Variants in HELZ observed in about 807,000 individuals in gnomAD.
HELZ encodes helicase with zinc finger, also known as ATP-dependent RNA helicase with zinc finger domain.
In HELZ, 23 loss-of-function variants were observed where a neutral mutation model predicts 218.2. That is an observed-to-expected ratio of 0.11 (90% CI 0.08 to 0.15). The LOEUF (loss-of-function observed/expected upper bound fraction) is 0.15. Ranked by LOEUF, HELZ falls within the 10% of genes least tolerant of loss-of-function variation. The pLI is 1.00. For synonymous variants in HELZ, 814 were observed against 829.4 expected, an observed-to-expected ratio of 0.98 and a Z score of 0.32; for missense variants, 1,813 against 2,353.7, an observed-to-expected ratio of 0.77 and a Z score of 4.75.
intron 17 of HELZ, among the ~76,000 whole-genome samples, chr17:67,158,289 G>A (rs2038900685): frequency 6.6e-6 from 1 of 152,124 alleles, no homozygotes; most frequent in Non-Finnish European, 1.5e-5. Flanking sequence ...CAGACACTTA[G>A]TGCCCTCTTG....
upstream of HELZ, chr17:67,245,234 C>G (rs554129851): frequency 9.2e-6 from 9 of 979,678 alleles, no homozygotes; most frequent in East Asian, 4.6e-4. Flanking sequence ...TAAAGTGACT[C>G]CCCCCGGCCC....
chr17:67,084,588 G>A (rs1019833219), intron 32 of HELZ, among the ~76,000 whole-genome samples: 2 of 151,314 alleles, frequency 1.3e-5, no homozygotes, highest in South Asian at 2.1e-4. Context: ...ACGTGAACCC[G>A]GGAGGCGGAG....
intron 23 of HELZ, among the ~76,000 whole-genome samples, chr17:67,132,367 T>C (rs1397645477): frequency 6.6e-6 from 1 of 152,152 alleles, no homozygotes; most frequent in African/African-American, 2.4e-5. Flanking sequence ...ACGCCTTGGT[T>C]TGAAAAAAGG....
At chr17:67,080,064 G>GATAA (rs11472039) in intron 32 of HELZ, among the ~76,000 whole-genome samples, 97,947 of 151,666 alleles carry the variant, frequency 0.65, 32,433 homozygotes, top group East Asian at 0.88. Flanking sequence ...TGCGAAGTCA[G>GATAA]ATATTTACAT....
chr17:67,123,815 C>CAGTGTG, intron 25 of HELZ, 148 bp downstream of exon 25: 1 of 534,092 alleles, frequency 1.9e-6, no homozygotes, highest in South Asian at 2.6e-5. Flanking sequence ...TCCAAAGTGA[C>CAGTGTG]TGTGTGTGTG....
chr17:67,158,481 A>G (rs2038905547), intron 17 of HELZ, among the ~76,000 whole-genome samples: 1 of 152,240 alleles, frequency 6.6e-6, no homozygotes, highest in Admixed American at 6.5e-5. Flanking sequence ...ATGCATGAAT[A>G]TTCTTAAGAA....
chr17:67,244,719 G>T (rs1021450106), intron 1 of HELZ: 8 of 984,926 alleles, frequency 8.1e-6, no homozygotes, highest in East Asian at 1.1e-4. Flanking sequence ...AGGCCTGAGG[G>T]GGGGCATCGA....
At chr17:67,225,155 A>G in intron 3 of HELZ, 1 of 382,908 alleles carries the variant, frequency 2.6e-6, no homozygotes, top group South Asian at 2.7e-5. Context: ...CTTCAGTAAT[A>G]ACAAGAAGCT....
chr17:67,130,788 A>T, intron 23 of HELZ, among the ~76,000 whole-genome samples: 1 of 152,268 alleles, frequency 6.6e-6, no homozygotes, highest in East Asian at 1.9e-4. Flanking sequence ...TTGATAAAGT[A>T]TCAGTTTCAC....
chr17:67,106,183 C>A (rs1358238673), intron 31 of HELZ, among the ~76,000 whole-genome samples: 1 of 151,950 alleles, frequency 6.6e-6, no homozygotes, highest in East Asian at 1.9e-4. Context: ...ATCAGCTAGA[C>A]ATTTTTGTAG....
chr17:67,215,353 T>C (rs937990402), intron 5 of HELZ, among the ~76,000 whole-genome samples: 7 of 150,860 alleles, frequency 4.6e-5, no homozygotes, highest in African/African-American at 1.7e-4. Flanking sequence ...TTCAAACTTT[T>C]TTTTTTTTTT....
intron 5 of HELZ, among the ~76,000 whole-genome samples, chr17:67,214,937 G>A (rs1015966557): frequency 6.6e-5 from 10 of 152,086 alleles, no homozygotes; most frequent in African/African-American, 2.4e-4. Flanking sequence ...CTTGAGCCCA[G>A]GAGTAAGAGA....
intron 31 of HELZ, among the ~76,000 whole-genome samples, chr17:67,094,363 T>C (rs1229532055): frequency 7.5e-6 from 1 of 133,784 alleles, no homozygotes; most frequent in South Asian, 2.6e-4. Context: ...GATACAGGCA[T>C]ACCTTGGAGA....
At chr17:67,122,044 G>C in intron 26 of HELZ, among the ~76,000 whole-genome samples, 1 of 152,222 alleles carries the variant, frequency 6.6e-6, no homozygotes, top group Middle Eastern at 3.4e-3. Flanking sequence ...TAAATATTTA[G>C]ATTTACAAAT....
At chr17:67,086,721 T>C (rs374086717) in intron 32 of HELZ, 108 bp downstream of exon 32, 12 of 1,117,646 alleles carry the variant, frequency 1.1e-5, no homozygotes, top group East Asian at 9.7e-5. Flanking sequence ...TTAAATATTG[T>C]TCAAAGATGA....
At chr17:67,161,446 TATTA>T (rs1388962204) in intron 15 of HELZ, among the ~76,000 whole-genome samples, 2 of 152,200 alleles carry the variant, frequency 1.3e-5, no homozygotes, top group African/African-American at 4.8e-5. Flanking sequence ...TTTTTACTGA[TATTA>T]ATTAAGTAGT....
intron 27 of HELZ, among the ~76,000 whole-genome samples, chr17:67,116,339 T>G (rs969090728): frequency 1.3e-5 from 2 of 152,054 alleles, no homozygotes; most frequent in African/African-American, 2.4e-5. Flanking sequence ...ACAATCACAT[T>G]AAATGCAAAT....
chr17:67,235,829 C>G (rs539357616), intron 3 of HELZ, among the ~76,000 whole-genome samples: 1 of 139,910 alleles, frequency 7.1e-6, no homozygotes, highest in Non-Finnish European at 1.5e-5. Flanking sequence ...ATCTCTATCT[C>G]GGCTCACTGC....
At chr17:67,220,116 C>T (rs1376088190) in intron 3 of HELZ, among the ~76,000 whole-genome samples, 2 of 152,204 alleles carry the variant, frequency 1.3e-5, no homozygotes, top group Non-Finnish European at 2.9e-5. Flanking sequence ...CGCCTGCCTC[C>T]AGCCTACATA....
Sources: allele counts gnomAD v4.1 joint callset (sites outside exome capture counted in the v4.1 genomes callset), GRCh38; gene constraint gnomAD v4.1.1; transcripts MANE v1.5; gene names NCBI Gene and HGNC (gene_info 2026-07-23, HGNC 2026-07-21).